SCAPER: variants seen among roughly 807,000 people sequenced by gnomAD.
SCAPER encodes S-phase cyclin A associated protein in the ER, also known as S phase cyclin A-associated protein in the endoplasmic reticulum.
In SCAPER, 98 loss-of-function variants were observed where a neutral mutation model predicts 182.2. The ratio of observed to expected loss-of-function variants is 0.54; its 90% CI spans 0.46 to 0.64. The LOEUF (loss-of-function observed/expected upper bound fraction) is 0.64. Ranked by LOEUF, SCAPER falls within the 30% of genes least tolerant of loss-of-function variation. SCAPER has a pLI of 0.00. For missense variants in SCAPER, 1,432 were observed against 1,690.0 expected (o/e 0.85, Z 2.68); for synonymous variants, 605 against 564.6 (o/e 1.07, Z -1.01).
intron 24 of SCAPER, among the ~76,000 whole-genome samples, chr15:76,504,365 C>T (rs1367745251): frequency 2.0e-5 from 3 of 152,302 alleles, no homozygotes; most frequent in Non-Finnish European, 1.5e-5. Context: ...AAGCAATTTA[C>T]CGTTAAAGAC....
rs564203323 is a variant in SCAPER at position 76,576,869 on chromosome 15, G to A, written c.2712-2585C>T. The A allele has an allele frequency of 6.6e-5, 10 of 152,272 alleles. No individual in the cohort carries two copies. In the East Asian group the frequency reaches 1.4e-3, roughly 21 times the overall value. The allele number at this position is 152,272 out of a possible 1,614,324, so 9.4% of individuals were successfully genotyped here. Reference sequence around the variant, plus strand: ...AGCATTTATACCAACCTTAGAAAGCGGGGAATCGCCCATCCTAGCACTCGG... The same window carrying A: ...AGCATTTATACCAACCTTAGAAAGCAGGGAATCGCCCATCCTAGCACTCGG... On this transcript the variant is annotated intron_variant, in intron 22 of 31. Coordinates refer to ENST00000563290, the MANE Select transcript of SCAPER (RefSeq NM_020843.4).
chr15:76,438,131 A>G (rs1325957330), intron 25 of SCAPER, among the ~76,000 whole-genome samples: 1 of 151,968 alleles, frequency 6.6e-6, no homozygotes, highest in African/African-American at 2.4e-5. Flanking sequence ...AAATACAAAA[A>G]ATTAGCCAGG....
intron 17 of SCAPER, among the ~76,000 whole-genome samples, chr15:76,715,267 CA>C (rs1215231408): frequency 8.6e-5 from 13 of 152,012 alleles, no homozygotes; most frequent in African/African-American, 2.4e-4. Context: ...GCACCCCCAG[CA>C]CCACAGCTGA....
chr15:76,651,466 G>C (rs995665955), intron 21 of SCAPER, among the ~76,000 whole-genome samples: 1 of 151,874 alleles, frequency 6.6e-6, no homozygotes, highest in South Asian at 2.1e-4. Context: ...TAGGAGTAGT[G>C]AGAGTGAGCA....
chr15:76,652,963 C>T (rs1268715225), intron 21 of SCAPER, among the ~76,000 whole-genome samples: 1 of 152,016 alleles, frequency 6.6e-6, no homozygotes, highest in African/African-American at 2.4e-5. Context: ...TGATTCTACA[C>T]CTAGGAAATC....
At chr15:76,433,449 T>C (rs1018410804) in intron 26 of SCAPER, among the ~76,000 whole-genome samples, 5 of 152,044 alleles carry the variant, frequency 3.3e-5, no homozygotes, top group Admixed American at 6.5e-5. Flanking sequence ...CGAAGGTTGC[T>C]GTGAGCCAAG....
intron 27 of SCAPER, among the ~76,000 whole-genome samples, chr15:76,390,700 A>G (rs1397991551): frequency 6.6e-6 from 1 of 152,190 alleles, no homozygotes; most frequent in East Asian, 1.9e-4. Flanking sequence ...TACTGTAAAC[A>G]GCAAAGGACC....
At chr15:76,548,514 T>C (rs1438115656) in intron 23 of SCAPER, among the ~76,000 whole-genome samples, 3 of 152,160 alleles carry the variant, frequency 2.0e-5, no homozygotes, top group African/African-American at 7.2e-5. Context: ...AAAATAATAA[T>C]AAAAGCAAGA....
At chr15:76,744,239 T>G (rs549903301) in intron 15 of SCAPER, among the ~76,000 whole-genome samples, 1 of 152,180 alleles carries the variant, frequency 6.6e-6, no homozygotes, top group East Asian at 1.9e-4. Flanking sequence ...CAAGTCAATT[T>G]TGGCTGTATC....
At chr15:76,580,606 C>T (rs1255787860) in intron 22 of SCAPER, among the ~76,000 whole-genome samples, 21 of 151,956 alleles carry the variant, frequency 1.4e-4, no homozygotes, top group Admixed American at 1.4e-3. Context: ...AAAAAAAAAT[C>T]TTGAAAATAT....
chr15:76,389,876 G>C (rs2043561791), intron 27 of SCAPER, among the ~76,000 whole-genome samples: 1 of 151,254 alleles, frequency 6.6e-6, no homozygotes, highest in African/African-American at 2.4e-5. Context: ...TAAAAAGTGA[G>C]AACATTAGGT....
At chr15:76,452,958 G>C (rs2142858341) in intron 25 of SCAPER, among the ~76,000 whole-genome samples, 1 of 152,220 alleles carries the variant, frequency 6.6e-6, no homozygotes, top group South Asian at 2.1e-4. Flanking sequence ...AGCCCAGTGA[G>C]TGGCTGGGAT....
intron 1 of SCAPER, among the ~76,000 whole-genome samples, chr15:76,899,567 C>T (rs900939814): frequency 1.3e-5 from 2 of 152,240 alleles, no homozygotes; most frequent in Non-Finnish European, 1.5e-5. Context: ...AGATTACAGC[C>T]TCTGCCCGCC....
At chr15:76,782,791 T>C (rs997152803) in intron 8 of SCAPER, among the ~76,000 whole-genome samples, 1 of 151,748 alleles carries the variant, frequency 6.6e-6, no homozygotes, top group Non-Finnish European at 1.5e-5. Context: ...ACTGGGTAAA[T>C]AACGAAATAA....
intron 21 of SCAPER, among the ~76,000 whole-genome samples, chr15:76,663,451 T>C (rs1166898968): frequency 6.6e-6 from 1 of 152,156 alleles, no homozygotes; most frequent in Non-Finnish European, 1.5e-5. Flanking sequence ...GCTTTATTTA[T>C]AAATGTCCCA....
At chr15:76,461,096 T>C (rs986838305) in intron 25 of SCAPER, among the ~76,000 whole-genome samples, 1 of 152,166 alleles carries the variant, frequency 6.6e-6, no homozygotes, top group African/African-American at 2.4e-5. Context: ...CTTTGGTTAG[T>C]TATTTTGTAA....
intron 24 of SCAPER, among the ~76,000 whole-genome samples, chr15:76,472,669 T>C (rs2050282401): frequency 6.6e-6 from 1 of 152,136 alleles, no homozygotes; most frequent in Non-Finnish European, 1.5e-5. Context: ...TTTTCAAAGC[T>C]ATGTTGTTAG....
At chr15:76,419,593 G>A (rs967741949) in intron 26 of SCAPER, among the ~76,000 whole-genome samples, 6 of 151,770 alleles carry the variant, frequency 4.0e-5, no homozygotes, top group East Asian at 3.9e-4. Flanking sequence ...GGTGGTGCAC[G>A]CCTGTAATCC....
At chr15:76,828,837 T>A (rs981357725) in intron 5 of SCAPER, among the ~76,000 whole-genome samples, 3 of 152,150 alleles carry the variant, frequency 2.0e-5, no homozygotes, top group African/African-American at 7.2e-5. Context: ...AGCTAAAGTA[T>A]AACAGGCAAA....
Sources: gnomAD v4.1 joint callset for allele counts (sites outside exome capture counted in the v4.1 genomes callset) on GRCh38, gnomAD v4.1.1 for gene constraint, MANE v1.5 for transcripts, NCBI Gene and HGNC (gene_info 2026-07-23, HGNC 2026-07-21) for gene names.